AP3S2: variants seen among roughly 807,000 people sequenced by gnomAD.
AP3S2 encodes AP-3 complex subunit sigma-2.
In AP3S2, 22 loss-of-function variants were observed where a neutral mutation model predicts 23.4. The observed-to-expected ratio is 0.94, with a 90% CI of 0.67 to 1.34. The LOEUF (loss-of-function observed/expected upper bound fraction) is 1.34, where lower values mean the gene tolerates loss of function less well. Ranked by LOEUF, AP3S2 falls within the 40% of genes most tolerant of loss-of-function variation. AP3S2 has a pLI of 0.00. For synonymous variants in AP3S2, 86 were observed against 87.1 expected (o/e 0.99, Z 0.07); for missense variants, 241 against 236.9 (o/e 1.02, Z -0.11).
At position 89,893,927 on chromosome 15, in the gene AP3S2, A is replaced by T; in HGVS notation, c.23T>A (p.Phe8Tyr). The T allele has an allele frequency of 2.6e-6, 4 of 1,551,636 alleles. No individual in the cohort carries two copies. The highest frequency in any genetic ancestry group is 3.5e-6 in the Non-Finnish European group (4 of 1,146,968). MIQAILV[F>Y]NNHGKPRLVR... is the part of the protein sequence containing the mutation. Reference sequence around the variant, plus strand: ...TAGCCGTGGCTTCCCATGGTTGTTGAAAACCAGAATCGCCTGAATCATCTT... The same window carrying T: ...TAGCCGTGGCTTCCCATGGTTGTTGTAAACCAGAATCGCCTGAATCATCTT... Residue 8 changes from phenylalanine (F) to tyrosine (Y), a missense_variant, in exon 1 of 6, where the codon TTC becomes TAC. Phe to Tyr is a conservative substitution (Grantham distance 22). Transcript: ENST00000336418.
intron 4 of AP3S2, 98 bp downstream of exon 4, chr15:89,871,377 A>G: frequency 8.6e-7 from 1 of 1,157,162 alleles, no homozygotes; most frequent in Non-Finnish European, 1.2e-6. Context: ...GTAAAAAAAA[A>G]CAAGAAACAA....
intron 4 of AP3S2, among the ~76,000 whole-genome samples, chr15:89,858,376 G>A (rs1364167398): frequency 1.3e-5 from 2 of 151,828 alleles, no homozygotes; most frequent in African/African-American, 4.8e-5. Flanking sequence ...AGGAGGTGGA[G>A]GTTGCAGTGA....
At chr15:89,872,051 G>A (rs1403955131) in intron 3 of AP3S2, among the ~76,000 whole-genome samples, 2 of 151,306 alleles carry the variant, frequency 1.3e-5, no homozygotes, top group East Asian at 3.9e-4. Context: ...CATTTGAGGT[G>A]GAGGTTGCCA....
Position 89,835,469 on chromosome 15 carries a change from G to A in AP3S2, c.*46C>T, listed in dbSNP as rs960980773. The A allele has an allele frequency of 6.2e-7, 1 of 1,607,972 alleles. No individual in the cohort carries two copies. On this transcript the variant is annotated 3_prime_UTR_variant, in exon 6 of 6. Coordinates refer to ENST00000336418, the MANE Select transcript of AP3S2 (RefSeq NM_005829.5). ...GTTTCCAGACGTGCTTGCCTTGCTT[G>A]TCTTTGCTTGTCTTAAGGACTCTAT...
At chr15:89,866,049 G>A (rs1896109731) in intron 4 of AP3S2, among the ~76,000 whole-genome samples, 1 of 152,006 alleles carries the variant, frequency 6.6e-6, no homozygotes, top group African/African-American at 2.4e-5. Flanking sequence ...ATCACCTGAG[G>A]TCAGGAGTTG....
intron 4 of AP3S2, among the ~76,000 whole-genome samples, chr15:89,858,485 A>AGAGAG (rs1895902947): frequency 2.6e-5 from 1 of 38,836 alleles, no homozygotes; most frequent in African/African-American, 6.5e-5. Flanking sequence ...GAAAGAAAGA[A>AGAGAG]AGAAAGAAAG....
intron 3 of AP3S2, among the ~76,000 whole-genome samples, chr15:89,879,591 G>T (rs554026106): frequency 8.5e-5 from 13 of 152,230 alleles, no homozygotes; most frequent in African/African-American, 3.1e-4. Flanking sequence ...TATATATAGA[G>T]TATGATTACT....
intron 4 of AP3S2, among the ~76,000 whole-genome samples, chr15:89,839,760 C>G (rs1895282146): frequency 6.6e-6 from 1 of 152,006 alleles, no homozygotes; most frequent in African/African-American, 2.4e-5. Context: ...GGAAGCAGCC[C>G]AAGTGTCCAT....
chr15:89,849,924 C>A (rs1003484929), intron 4 of AP3S2, among the ~76,000 whole-genome samples: 2 of 151,820 alleles, frequency 1.3e-5, no homozygotes, highest in Non-Finnish European at 2.9e-5. Context: ...GAAAACATGT[C>A]GTGTTTGGTT....
intron 3 of AP3S2, among the ~76,000 whole-genome samples, chr15:89,880,456 C>T (rs1038432843): frequency 5.9e-5 from 9 of 151,754 alleles, no homozygotes; most frequent in Non-Finnish European, 1.0e-4. Context: ...TTTGGGAGGC[C>T]GAGGTCAGGA....
chr15:89,841,261 A>C (rs1188719343), intron 4 of AP3S2, among the ~76,000 whole-genome samples: 1 of 152,240 alleles, frequency 6.6e-6, no homozygotes, highest in African/African-American at 2.4e-5. Flanking sequence ...TTCCAAATGC[A>C]AAAAGAAGAA....
At chr15:89,866,522 G>A (rs1402438395) in intron 4 of AP3S2, among the ~76,000 whole-genome samples, 1 of 143,086 alleles carries the variant, frequency 7.0e-6, no homozygotes, top group Non-Finnish European at 1.5e-5. Flanking sequence ...TTTTGCTCTT[G>A]TTGCCCAGGC....
At chr15:89,840,363 T>C (rs994424538) in intron 4 of AP3S2, among the ~76,000 whole-genome samples, 4 of 152,356 alleles carry the variant, frequency 2.6e-5, no homozygotes, top group African/African-American at 9.6e-5. Flanking sequence ...AAGTACTTTA[T>C]GTAACTTACC....
At chr15:89,863,375 C>T (rs1453535006) in intron 4 of AP3S2, among the ~76,000 whole-genome samples, 1 of 152,156 alleles carries the variant, frequency 6.6e-6, no homozygotes, top group African/African-American at 2.4e-5. Flanking sequence ...GCTGTATTCA[C>T]TCCGAGACCA....
At chr15:89,850,021 T>A (rs1023092201) in intron 4 of AP3S2, among the ~76,000 whole-genome samples, 1 of 152,234 alleles carries the variant, frequency 6.6e-6, no homozygotes, top group Non-Finnish European at 1.5e-5. Flanking sequence ...CCTTTTTTTA[T>A]GGCTGCATAG....
At position 89,871,186 on chromosome 15, in the gene AP3S2, C is replaced by T. The variant is rs55745271; in HGVS notation, c.345+289G>A. On this transcript the variant is annotated intron_variant, in intron 4 of 5. Coordinates refer to ENST00000336418, the MANE Select transcript of AP3S2 (RefSeq NM_005829.5). ...TAAAACTATTTATCTCACCTTTGGCCAAGTAGCCAGTGACATCATTCTCCT... is the reference window on the plus strand; with the variant it reads ...TAAAACTATTTATCTCACCTTTGGCTAAGTAGCCAGTGACATCATTCTCCT... Among the ~76,000 whole-genome samples the T allele has an allele frequency of 5.5e-3, 830 of 152,244 alleles. 5 individuals are homozygous for T. The highest frequency in any genetic ancestry group is 0.019 in the African/African-American group (803 of 41,552).
intron 1 of AP3S2, among the ~76,000 whole-genome samples, chr15:89,890,466 G>T (rs1457100769): frequency 3.3e-5 from 5 of 152,174 alleles, no homozygotes; most frequent in Non-Finnish European, 7.3e-5. Flanking sequence ...GGTTAAAAGG[G>T]TAAGAGAGGG....
intron 3 of AP3S2, among the ~76,000 whole-genome samples, chr15:89,886,269 A>G (rs1321647585): frequency 1.3e-5 from 2 of 152,082 alleles, no homozygotes; most frequent in African/African-American, 4.8e-5. Context: ...CGCTTGAACC[A>G]GGGAGTCGGA....
chr15:89,883,039 T>A (rs892029425), intron 3 of AP3S2, among the ~76,000 whole-genome samples: 6 of 152,210 alleles, frequency 3.9e-5, no homozygotes, highest in Non-Finnish European at 8.8e-5. Flanking sequence ...TCCTTTGTTT[T>A]TTCTTTAAGA....
Sources: gnomAD v4.1 joint callset for allele counts (sites outside exome capture counted in the v4.1 genomes callset) on GRCh38, gnomAD v4.1.1 for gene constraint, MANE v1.5 for transcripts, NCBI Gene and HGNC (gene_info 2026-07-23, HGNC 2026-07-21) for gene names.